The following RALY variants were observed in gnomAD, a reference collection of about 807,000 sequenced individuals.
RALY encodes the protein RALY heterogeneous nuclear ribonucleoprotein, also known as RNA-binding protein Raly.
A neutral mutation model predicts 30.7 loss-of-function variants in RALY; 15 were observed. The observed-to-expected ratio is 0.49, with a 90% CI of 0.33 to 0.75. The LOEUF is 0.75. Among genes scored for constraint, RALY ranks in the 30% least tolerant of loss-of-function variants. The pLI is 0.02. For missense variants in RALY, 339 were observed against 414.3 expected, an observed-to-expected ratio of 0.82 and a Z score of 1.58; for synonymous variants, 177 against 170.8, an observed-to-expected ratio of 1.04 and a Z score of -0.28.
At chr20:34,019,956 G>C (rs1043942927) in intron 1 of RALY, among the ~76,000 whole-genome samples, 6 of 152,042 alleles carry the variant, frequency 3.9e-5, no homozygotes, top group African/African-American at 1.5e-4. Context: ...AGCTACTTGG[G>C]AGGCTGAGGC....
At chr20:34,003,299 A>G (rs1194078837) in intron 1 of RALY, among the ~76,000 whole-genome samples, 1 of 152,110 alleles carries the variant, frequency 6.6e-6, no homozygotes, top group Non-Finnish European at 1.5e-5. Flanking sequence ...TGCCTTCCTC[A>G]CAATGGTATT....
rs969044421 is a variant in RALY, at chr20:33,993,922, G to A, written c.-302G>A. 3 of 151,806 alleles carry A rather than the reference G, an allele frequency of 2.0e-5. No homozygotes were observed. Among genetic ancestry groups the A allele is most frequent in the Non-Finnish European group, 4.4e-5 (3 of 67,840 alleles). 9.4% of individuals were successfully genotyped at this position (151,806 alleles called of 1,614,324 possible). On this transcript the variant is annotated 5_prime_UTR_variant, in exon 1 of 10. Transcript: ENST00000246194. ...GGGCTCGCGCCGCTGTCAGTGCGGC[G>A]GGGCGCGCGAGCGGCGCCAGCTCGG...
intron 5 of RALY, among the ~76,000 whole-genome samples, chr20:34,074,396 T>TACA (rs2033815431): frequency 6.6e-6 from 1 of 152,112 alleles, no homozygotes; most frequent in African/African-American, 2.4e-5. Flanking sequence ...GGGCTCCCAC[T>TACA]ACAACAGCAC....
rs1025085097 is a variant in RALY, at chr20:34,083,655, T to C, written c.*3750T>C. ...AGACTGTTTGGAAATACTGACATGATAGTTTGGCAGTTTCTCTTATGAGCA... is the reference window on the plus strand; with the variant it reads ...AGACTGTTTGGAAATACTGACATGACAGTTTGGCAGTTTCTCTTATGAGCA... On this transcript the variant is annotated 3_prime_UTR_variant, in exon 10 of 10. Transcript: ENST00000246194. 3 of 152,216 alleles carry C rather than the reference T, an allele frequency of 2.0e-5. No individual in the cohort carries two copies. Among genetic ancestry groups the C allele is most frequent in the African/African-American group, 7.2e-5 (3 of 41,442 alleles). 9.4% of individuals were successfully genotyped at this position (152,216 alleles called of 1,614,324 possible).
intron 2 of RALY, among the ~76,000 whole-genome samples, chr20:34,056,618 C>T (rs556677714): frequency 5.0e-4 from 76 of 152,290 alleles, no homozygotes; most frequent in African/African-American, 1.8e-3. Flanking sequence ...TAGGAACCTA[C>T]AGTAACTTCA....
intron 2 of RALY, among the ~76,000 whole-genome samples, chr20:34,038,123 A>T (rs968990194): frequency 3.3e-5 from 5 of 152,314 alleles, no homozygotes; most frequent in Non-Finnish European, 5.9e-5. Flanking sequence ...GGGCTCTATG[A>T]GGTCCCGGGT....
At chr20:34,037,417 G>A (rs2032537487) in intron 2 of RALY, among the ~76,000 whole-genome samples, 1 of 152,198 alleles carries the variant, frequency 6.6e-6, no homozygotes, top group Non-Finnish European at 1.5e-5. Flanking sequence ...CCCGCCTCAT[G>A]GACTTCAGAG....
intron 6 of RALY, among the ~76,000 whole-genome samples, chr20:34,076,396 C>T (rs1278373527): frequency 6.6e-6 from 1 of 152,208 alleles, no homozygotes; most frequent in Non-Finnish European, 1.5e-5. Context: ...CCAAAAGACA[C>T]ATGTTCTTGC....
At chr20:34,031,398 A>C (rs757247016) in intron 1 of RALY, 124 bp from the exon 2 acceptor site, 7 of 151,988 alleles carry the variant, frequency 4.6e-5, no homozygotes, top group Admixed American at 1.3e-4. Context: ...CACTACTTGA[A>C]ATTATATACT....
At chr20:34,078,926 G>T (rs927421377) in intron 9 of RALY, among the ~76,000 whole-genome samples, 2 of 152,214 alleles carry the variant, frequency 1.3e-5, no homozygotes, top group Non-Finnish European at 2.9e-5. Flanking sequence ...GGTCATGGAA[G>T]AGATGATGTG....
chr20:34,048,303 G>C (rs75999067), intron 2 of RALY, among the ~76,000 whole-genome samples: 1 of 152,114 alleles, frequency 6.6e-6, no homozygotes, highest in South Asian at 2.1e-4. Flanking sequence ...TGTGTCTCTC[G>C]TGCTCCTGGG....
chr20:34,019,878 G>A (rs2031751874), intron 1 of RALY, among the ~76,000 whole-genome samples: 1 of 152,158 alleles, frequency 6.6e-6, no homozygotes, highest in African/African-American at 2.4e-5. Context: ...CGGCTAAAAC[G>A]GTGAAACCCC....
intron 2 of RALY, among the ~76,000 whole-genome samples, chr20:34,039,926 C>T (rs1035212979): frequency 5.3e-5 from 8 of 152,116 alleles, no homozygotes; most frequent in African/African-American, 9.7e-5. Flanking sequence ...TCCTGGCCAA[C>T]GTGGTGAAAC....
At chr20:34,044,327 C>CTT (rs754831156) in intron 2 of RALY, among the ~76,000 whole-genome samples, 1 of 145,138 alleles carries the variant, frequency 6.9e-6, no homozygotes, top group Non-Finnish European at 1.5e-5. Context: ...ATGTGCGTTA[C>CTT]TTTTTTTTTT....
At chr20:34,005,294 G>A (rs1489936033) in intron 1 of RALY, among the ~76,000 whole-genome samples, 3 of 152,086 alleles carry the variant, frequency 2.0e-5, no homozygotes, top group Non-Finnish European at 4.4e-5. Context: ...GGCAGATCAT[G>A]AGGTCAGGAG....
In RALY at chr20:34,034,223, G is replaced by A. The variant is rs546340039; in HGVS notation, c.-10+2619G>A. ...TAGCCTCACATTTTATGGAGGCCAT[G>A]GTCATTCCAGTTTTTCTACCATCTT... On this transcript the variant is annotated intron_variant, in intron 2 of 9. Coordinates refer to ENST00000246194, the MANE Select transcript of RALY (RefSeq NM_016732.3). Among the ~76,000 whole-genome samples, 7 of 152,284 alleles carry A rather than the reference G, an allele frequency of 4.6e-5. No homozygotes were observed. The South Asian group carries it at 1.4e-3, about 32-fold the overall frequency.
chr20:34,039,715 T>A (rs2032626426), intron 2 of RALY, among the ~76,000 whole-genome samples: 1 of 152,194 alleles, frequency 6.6e-6, no homozygotes, highest in Non-Finnish European at 1.5e-5. Flanking sequence ...CATTGAGAGA[T>A]AATGCAACAG....
chr20:34,078,028 C>T (rs1601518363), intron 8 of RALY, among the ~76,000 whole-genome samples: 2 of 152,358 alleles, frequency 1.3e-5, no homozygotes, highest in South Asian at 4.1e-4. Context: ...CTTTTCAGCA[C>T]TGCTGGGTTC....
At chr20:34,027,310 G>A (rs141625945) in intron 1 of RALY, among the ~76,000 whole-genome samples, 3 of 152,288 alleles carry the variant, frequency 2.0e-5, no homozygotes, top group East Asian at 1.9e-4. Flanking sequence ...GGCACACTTA[G>A]CCTCACCTGT....
Sources: gnomAD v4.1 joint callset for allele counts (sites outside exome capture counted in the v4.1 genomes callset) on GRCh38, gnomAD v4.1.1 for gene constraint, MANE v1.5 for transcripts, NCBI Gene and HGNC (gene_info 2026-07-23, HGNC 2026-07-21) for gene names.